PRR16: variants seen among roughly 807,000 people sequenced by gnomAD.
PRR16 encodes protein Largen.
In PRR16, 6 loss-of-function variants were observed where a neutral mutation model predicts 18.2. The ratio of observed to expected loss-of-function variants is 0.33; its 90% CI spans 0.18 to 0.65. The LOEUF (loss-of-function observed/expected upper bound fraction) is 0.65. Among genes scored for constraint, PRR16 ranks in the 30% least tolerant of loss-of-function variants. PRR16 has a pLI of 0.74. For synonymous variants in PRR16, 151 were observed against 147.8 expected, an observed-to-expected ratio of 1.02 and a Z score of -0.16; for missense variants, 412 against 376.6, an observed-to-expected ratio of 1.09 and a Z score of -0.78.
chr5:120,603,188 G>A (rs1306120305), intron 1 of PRR16, among the ~76,000 whole-genome samples: 2 of 151,966 alleles, frequency 1.3e-5, no homozygotes, highest in Non-Finnish European at 2.9e-5. Flanking sequence ...AATTTGTTTG[G>A]CCCAGGACAT....
chr5:120,636,780 A>G (rs189345713), intron 1 of PRR16, among the ~76,000 whole-genome samples: 1 of 152,258 alleles, frequency 6.6e-6, no homozygotes, highest in East Asian at 1.9e-4. Flanking sequence ...AGAAAAATAG[A>G]TGGGACTTAA....
At chr5:120,660,587 A>C (rs182178396) in intron 1 of PRR16, among the ~76,000 whole-genome samples, 28 of 152,192 alleles carry the variant, frequency 1.8e-4, no homozygotes, top group Non-Finnish European at 3.4e-4. Context: ...CTTGTTTGAC[A>C]TATTTGCCTA....
chr5:120,529,686 T>G (rs1207278912), intron 1 of PRR16, among the ~76,000 whole-genome samples: 3 of 152,100 alleles, frequency 2.0e-5, no homozygotes, highest in Non-Finnish European at 2.9e-5. Context: ...TCCTTAAACA[T>G]CCACTTGAAA....
chr5:120,637,130 A>G (rs1159093357), intron 1 of PRR16, among the ~76,000 whole-genome samples: 2 of 152,044 alleles, frequency 1.3e-5, no homozygotes, highest in African/African-American at 4.8e-5. Flanking sequence ...AAATCAAAAA[A>G]TAATAGATGA....
intron 1 of PRR16, among the ~76,000 whole-genome samples, chr5:120,511,616 C>T (rs192719976): frequency 6.6e-6 from 1 of 152,136 alleles, no homozygotes; most frequent in African/African-American, 2.4e-5. Flanking sequence ...TAGATTAATT[C>T]AGTATTTAAA....
Position 120,686,963 on chromosome 5 carries a change from A to G in PRR16, c.*254A>G, listed in dbSNP as rs1246455406. On this transcript the variant is annotated 3_prime_UTR_variant, in exon 2 of 2. Coordinates refer to ENST00000407149, the MANE Select transcript of PRR16 (RefSeq NM_001300783.2). ...GATGCATTGTTTTTGCAATTGACCT[A>G]TGACAAACTGTGAACCTGCAGATTT... 2.4e-5 allele frequency: 7 copies of G among 293,460 alleles called. No homozygotes were observed. The highest frequency in any genetic ancestry group is 3.7e-5 in the Non-Finnish European group (6 of 161,150). The allele number at this position is 293,460 out of a possible 1,614,324, so 18.2% of individuals were successfully genotyped here.
Position 120,637,473 on chromosome 5 carries a change from T to TA in PRR16, c.160-48476dup, listed in dbSNP as rs1755275272. ...TGTATCATGGAATACTACTCAGCCATAAAAAGGAATGAAATAATGGCACTC... is the reference window on the plus strand; with the variant it reads ...TGTATCATGGAATACTACTCAGCCATAAAAAAGGAATGAAATAATGGCACTC... On this transcript the variant is annotated intron_variant, in intron 1 of 1. Coordinates refer to ENST00000407149, the MANE Select transcript of PRR16 (RefSeq NM_001300783.2). 3.3e-5 allele frequency among the ~76,000 whole-genome samples: 5 copies of TA among 151,766 alleles called. 1 individual carries two copies. The highest frequency in any genetic ancestry group is 3.3e-4 in the Admixed American group (5 of 15,228).
the PRR16 span, among the ~76,000 whole-genome samples, chr5:120,740,922 G>C: frequency 2.0e-5 from 3 of 151,688 alleles, no homozygotes; most frequent in Non-Finnish European, 2.9e-5. Flanking sequence ...TACTTTCATA[G>C]CAAAATCATA....
chr5:120,594,459 T>A (rs9716009), intron 1 of PRR16, among the ~76,000 whole-genome samples: 134,093 of 152,120 alleles, frequency 0.88, 59,424 homozygotes, highest in African/African-American at 0.96. Flanking sequence ...ATCAGAGATG[T>A]TGCAAACAAA....
intron 1 of PRR16, chr5:120,618,380 G>T (rs1561576809): frequency 2.6e-6 from 2 of 769,492 alleles, no homozygotes; most frequent in Non-Finnish European, 3.2e-6. Context: ...GTGATTTTAA[G>T]AATGTAATAA....
chr5:120,713,484 T>C, the PRR16 span, among the ~76,000 whole-genome samples: 1 of 152,166 alleles, frequency 6.6e-6, no homozygotes, highest in Non-Finnish European at 1.5e-5. Flanking sequence ...TCTTTATAGT[T>C]CTCCATTTTA....
chr5:120,515,822 C>A (rs575782120), intron 1 of PRR16, among the ~76,000 whole-genome samples: 2 of 152,206 alleles, frequency 1.3e-5, no homozygotes, highest in South Asian at 4.2e-4. Flanking sequence ...GCATTAATTG[C>A]CTTTATAGCA....
chr5:120,520,852 A>G (rs999508734), intron 1 of PRR16, among the ~76,000 whole-genome samples: 1 of 151,940 alleles, frequency 6.6e-6, no homozygotes, highest in East Asian at 1.9e-4. Context: ...TATTGTATTG[A>G]TTATATATTT....
chr5:120,761,802 T>A, the PRR16 span, among the ~76,000 whole-genome samples: 5 of 152,100 alleles, frequency 3.3e-5, no homozygotes, highest in Non-Finnish European at 5.9e-5. Context: ...CTATTGAACA[T>A]TGGAATTTAT....
intron 1 of PRR16, among the ~76,000 whole-genome samples, chr5:120,661,846 G>A (rs115692340): frequency 0.038 from 5,842 of 152,130 alleles, 255 homozygotes; most frequent in African/African-American, 0.11. Context: ...TCAAGGACTC[G>A]TAGTAGCTCC....
chr5:120,741,290 G>A, the PRR16 span, among the ~76,000 whole-genome samples: 2 of 151,854 alleles, frequency 1.3e-5, no homozygotes, highest in African/African-American at 4.8e-5. Flanking sequence ...GTGTTGCCCA[G>A]GCTAGTTTCA....
rs543048602 is a variant in PRR16 at position 120,478,472 on chromosome 5, T to A, written c.159+13827T>A. Among the ~76,000 whole-genome samples the A allele has an allele frequency of 6.1e-4, 93 of 152,300 alleles. 1 individual carries two copies. The highest frequency in any genetic ancestry group is 2.0e-3 in the African/African-American group (85 of 41,564). ...CAAAGGATCTCTCAGCAATAGCTAG[T>A]ATCCTGAATGCTTATTGTGTGTCAT... On this transcript the variant is annotated intron_variant, in intron 1 of 1. Transcript: ENST00000407149.
chr5:120,503,149 A>C (rs1001209505), intron 1 of PRR16, among the ~76,000 whole-genome samples: 3 of 152,170 alleles, frequency 2.0e-5, no homozygotes, highest in Non-Finnish European at 4.4e-5. Flanking sequence ...AGTAAATATG[A>C]GTACTGAACA....
intron 1 of PRR16, among the ~76,000 whole-genome samples, chr5:120,648,705 T>A (rs1755676752): frequency 6.6e-6 from 1 of 151,938 alleles, no homozygotes; most frequent in Non-Finnish European, 1.5e-5. Context: ...GATGGGAGGG[T>A]TAAATACGGG....
Sources: allele counts gnomAD v4.1 joint callset (sites outside exome capture counted in the v4.1 genomes callset), GRCh38; gene constraint gnomAD v4.1.1; transcripts MANE v1.5; gene names NCBI Gene and HGNC (gene_info 2026-07-23, HGNC 2026-07-21).